The following MAPK4 variants were observed in gnomAD, a reference collection of about 807,000 sequenced individuals.
MAPK4 encodes the protein Erk3-related.
In MAPK4, 22 loss-of-function variants were observed where a neutral mutation model predicts 47.7. The ratio of observed to expected loss-of-function variants is 0.46; its 90% CI spans 0.33 to 0.66. The LOEUF is 0.66. Ranked by LOEUF, MAPK4 falls within the 30% of genes least tolerant of loss-of-function variation. MAPK4 has a pLI of 0.02. For synonymous variants in MAPK4, 390 were observed against 365.7 expected (o/e 1.07, Z -0.76); for missense variants, 736 against 831.7 (o/e 0.88, Z 1.42).
chr18:50,668,909 C>A (rs531912792), intron 2 of MAPK4, among the ~76,000 whole-genome samples: 2 of 152,206 alleles, frequency 1.3e-5, no homozygotes, highest in African/African-American at 2.4e-5. Flanking sequence ...TCTGCCAAAT[C>A]GGGAGAGTCA....
At chr18:50,602,936 G>A (rs2042553010) in intron 1 of MAPK4, among the ~76,000 whole-genome samples, 1 of 152,118 alleles carries the variant, frequency 6.6e-6, no homozygotes, top group East Asian at 1.9e-4. Flanking sequence ...TGTGGGCTGA[G>A]GTGTCAGAGG....
chr18:50,637,074 G>A (rs2042895224), intron 1 of MAPK4, among the ~76,000 whole-genome samples: 2 of 151,870 alleles, frequency 1.3e-5, no homozygotes, highest in Admixed American at 6.6e-5. Flanking sequence ...CTGGACGGGA[G>A]CTCAGTTACC....
intron 1 of MAPK4, among the ~76,000 whole-genome samples, chr18:50,656,189 C>G (rs993565464): frequency 2.0e-5 from 3 of 152,164 alleles, no homozygotes; most frequent in African/African-American, 7.2e-5. Flanking sequence ...TAACAAATGT[C>G]CCAACATTTA....
intron 2 of MAPK4, among the ~76,000 whole-genome samples, chr18:50,712,739 C>T (rs1232309201): frequency 6.6e-6 from 1 of 152,136 alleles, no homozygotes; most frequent in Non-Finnish European, 1.5e-5. Context: ...GATGTCAATT[C>T]CAGACCATTC....
chr18:50,609,015 G>A (rs1386523596), intron 1 of MAPK4, among the ~76,000 whole-genome samples: 1 of 152,088 alleles, frequency 6.6e-6, no homozygotes, highest in Non-Finnish European at 1.5e-5. Context: ...CACAGCACAT[G>A]TTTCAGAGAG....
At chr18:50,565,903 G>A (rs1463266670) in intron 1 of MAPK4, among the ~76,000 whole-genome samples, 2 of 152,110 alleles carry the variant, frequency 1.3e-5, no homozygotes, top group African/African-American at 4.8e-5. Context: ...TTTCTTAGAT[G>A]GATCCCCATC....
chr18:50,566,084 T>C (rs1167380319), intron 1 of MAPK4, among the ~76,000 whole-genome samples: 1 of 152,214 alleles, frequency 6.6e-6, no homozygotes, highest in Non-Finnish European at 1.5e-5. Context: ...AAATGTTAAA[T>C]ATAAATGCCT....
chr18:50,624,172 C>T (rs2042755918), intron 1 of MAPK4, among the ~76,000 whole-genome samples: 1 of 152,214 alleles, frequency 6.6e-6, no homozygotes, highest in Admixed American at 6.5e-5. Flanking sequence ...GACCTGTTTA[C>T]TAGTTTATGG....
At chr18:50,605,341 A>G (rs746495312) in intron 1 of MAPK4, among the ~76,000 whole-genome samples, 18 of 152,318 alleles carry the variant, frequency 1.2e-4, no homozygotes, top group South Asian at 4.1e-4. Flanking sequence ...GAGGGCTCCC[A>G]GGAAGATTCA....
At chr18:50,577,155 A>G (rs2042304888) in intron 1 of MAPK4, among the ~76,000 whole-genome samples, 1 of 152,162 alleles carries the variant, frequency 6.6e-6, no homozygotes, top group African/African-American at 2.4e-5. Context: ...TGGAATTTTA[A>G]AAAGATGATT....
chr18:50,677,764 A>C (rs1421177355), intron 2 of MAPK4, among the ~76,000 whole-genome samples: 1 of 152,136 alleles, frequency 6.6e-6, no homozygotes, highest in Non-Finnish European at 1.5e-5. Flanking sequence ...TATGTTGCTC[A>C]GGCTGGTCTC....
intron 2 of MAPK4, among the ~76,000 whole-genome samples, chr18:50,690,056 T>C (rs1369247298): frequency 1.3e-5 from 2 of 152,056 alleles, no homozygotes; most frequent in African/African-American, 4.8e-5. Flanking sequence ...CAGGAAGAGT[T>C]TGGGGAAGGG....
chr18:50,604,215 G>T (rs777286211), intron 1 of MAPK4, among the ~76,000 whole-genome samples: 1 of 152,200 alleles, frequency 6.6e-6, no homozygotes, highest in Non-Finnish European at 1.5e-5. Context: ...TTATAGTGAT[G>T]ATTTTGAGTT....
intron 1 of MAPK4, among the ~76,000 whole-genome samples, chr18:50,610,507 G>A (rs2042623657): frequency 6.6e-6 from 1 of 152,220 alleles, no homozygotes; most frequent in African/African-American, 2.4e-5. Flanking sequence ...AGCTGCAGGA[G>A]CAGCCCTCCT....
chr18:50,719,219 A>G (rs973973996), intron 3 of MAPK4, among the ~76,000 whole-genome samples: 2 of 152,098 alleles, frequency 1.3e-5, no homozygotes, highest in Non-Finnish European at 2.9e-5. Context: ...AGGAGCCCCT[A>G]CAGTTTTCCC....
chr18:50,695,937 A>G (rs992123470), intron 2 of MAPK4, among the ~76,000 whole-genome samples: 1 of 152,070 alleles, frequency 6.6e-6, no homozygotes, highest in African/African-American at 2.4e-5. Context: ...AGGCTCAGAG[A>G]GGTTAAGAAA....
At chr18:50,653,014 C>G (rs1380636881) in intron 1 of MAPK4, among the ~76,000 whole-genome samples, 1 of 151,956 alleles carries the variant, frequency 6.6e-6, no homozygotes, top group Non-Finnish European at 1.5e-5. Context: ...AAACCTATGT[C>G]TACAAAAGTT....
At chr18:50,571,503 C>T (rs905640228) in intron 1 of MAPK4, among the ~76,000 whole-genome samples, 3 of 152,178 alleles carry the variant, frequency 2.0e-5, no homozygotes, top group African/African-American at 7.2e-5. Flanking sequence ...ATTTATGAAC[C>T]ATGACATTTG....
At chr18:50,708,493 C>T (rs772997980) in intron 2 of MAPK4, among the ~76,000 whole-genome samples, 34 of 152,168 alleles carry the variant, frequency 2.2e-4, no homozygotes, top group Non-Finnish European at 4.1e-4. Context: ...TCATCTGAAC[C>T]GCAACATCAG....
Sources: allele counts gnomAD v4.1 joint callset (sites outside exome capture counted in the v4.1 genomes callset), GRCh38; gene constraint gnomAD v4.1.1; transcripts MANE v1.5; gene names NCBI Gene and HGNC (gene_info 2026-07-23, HGNC 2026-07-21).